The following MFSD8 variants were observed in gnomAD, a reference collection of about 807,000 sequenced individuals.
MFSD8 encodes major facilitator superfamily domain-containing protein 8.
MFSD8 carries 55 observed loss-of-function variants against 66.4 expected under a neutral mutation model. That is an observed-to-expected ratio of 0.83 (90% CI 0.67 to 1.04). MFSD8 has a LOEUF of 1.04. MFSD8 is among the 50% of genes least tolerant of loss of function. The probability of loss-of-function intolerance (pLI) is 0.00; values close to 1 mark genes in which losing one functional copy is unlikely to be tolerated. For synonymous variants in MFSD8, 202 were observed against 212.8 expected, an observed-to-expected ratio of 0.95 and a Z score of 0.44; for missense variants, 550 against 627.6, an observed-to-expected ratio of 0.88 and a Z score of 1.32.
At chr4:127,940,488 A>G (rs1739977142) in intron 5 of MFSD8, among the ~76,000 whole-genome samples, 1 of 148,058 alleles carries the variant, frequency 6.8e-6, no homozygotes, top group Admixed American at 6.9e-5. Flanking sequence ...ATTTTAGACC[A>G]GATATCTTAA....
chr4:127,939,881 T>C lies in MFSD8; in HGVS notation c.670A>G (p.Asn224Asp). The C allele has an allele frequency of 6.2e-7, 1 of 1,613,380 alleles. No individual in the cohort carries two copies. Among genetic ancestry groups the C allele is most frequent in the East Asian group, 2.2e-5 (1 of 44,768 alleles). The change falls in exon 6 of 12, where the codon AAT becomes GAT. Residue 224 changes from asparagine (N) to aspartate (D), a missense_variant. Coordinates refer to ENST00000641686, the MANE Select transcript of MFSD8 (RefSeq NM_001371596.2). ...AGTATGGCAAGGATCAGAATAATAT[T>C]TAAAATTCCCAGGAAGGCGCTAAGT... ...VLLSAFLGILNIILILAILRE... is the reference protein window; with the variant it reads ...VLLSAFLGILDIILILAILRE...
rs548044475 is a variant in MFSD8 at position 127,924,825 on chromosome 4, T to C, written c.999-2862A>G. ...AAGAACAAAGCTGAAGACATCACAA[T>C]ACCTGACTTCAAACTACACTACAAG... On this transcript the variant is annotated intron_variant, in intron 9 of 11. Transcript: ENST00000641686. Among the ~76,000 whole-genome samples the C allele has an allele frequency of 3.3e-4, 51 of 152,246 alleles. 2 individuals are homozygous for C. The South Asian group carries it at 0.01, about 31-fold the overall frequency.
chr4:127,928,632 T>C (rs530467486), intron 9 of MFSD8, among the ~76,000 whole-genome samples: 2 of 152,208 alleles, frequency 1.3e-5, no homozygotes, highest in Non-Finnish European at 2.9e-5. Context: ...AACCCTTGTA[T>C]ACTGTTGGTG....
At chr4:127,931,797 T>A (rs531890263) in intron 8 of MFSD8, among the ~76,000 whole-genome samples, 1 of 152,312 alleles carries the variant, frequency 6.6e-6, no homozygotes, top group East Asian at 1.9e-4. Context: ...GCTACTGAAC[T>A]GCATACCTTA....
intron 7 of MFSD8, among the ~76,000 whole-genome samples, chr4:127,937,310 A>G (rs1474294651): frequency 2.6e-5 from 4 of 152,164 alleles, no homozygotes; most frequent in Admixed American, 6.5e-5. Flanking sequence ...TTCTCTTTTC[A>G]TCTAACCTCC....
chr4:127,920,336 C>T lies in MFSD8; in HGVS notation c.*294G>A, dbSNP rs974376227. ...AGTGGGTATTAAGAATACAGCTTCA[C>T]ATTTATTCATCATTGTCCATTCACT... On this transcript the variant is annotated 3_prime_UTR_variant, in exon 12 of 12. Transcript: ENST00000641686. 1.0e-5 allele frequency: 4 copies of T among 400,822 alleles called. No individual in the cohort carries two copies. Among genetic ancestry groups the T allele is most frequent in the Middle Eastern group, 7.7e-4 (1 of 1,304 alleles). The allele number at this position is 400,822 out of a possible 1,614,324, so 24.8% of individuals were successfully genotyped here. A position where few individuals can be genotyped will look rare whatever the true frequency, so the allele number is the denominator to read the frequency against.
Position 127,965,158 on chromosome 4 carries a change from T to G in MFSD8, c.-25A>C. 1 of 1,613,596 alleles carries G rather than the reference T, an allele frequency of 6.2e-7. No homozygotes were observed. Among genetic ancestry groups the G allele is most frequent in the Non-Finnish European group, 8.5e-7 (1 of 1,179,916 alleles). ...TAGTTACACTCCCTACAAGGCGTCT[T>G]GCGCCCAACTCTCGCGACACCTGCT... is the stretch of plus-strand genomic sequence containing the variant. On this transcript the variant is annotated 5_prime_UTR_variant, in exon 1 of 12. Transcript: ENST00000641686.
At chr4:127,941,908 T>C in intron 5 of MFSD8, 137 bp downstream of exon 5, 1 of 697,278 alleles carries the variant, frequency 1.4e-6, no homozygotes, top group Non-Finnish European at 2.6e-6. Flanking sequence ...GTAGCCTCAT[T>C]CCTGGATTAA....
At chr4:127,941,000 A>G (rs1291112404) in intron 5 of MFSD8, among the ~76,000 whole-genome samples, 1 of 152,194 alleles carries the variant, frequency 6.6e-6, no homozygotes, top group African/African-American at 2.4e-5. Context: ...TTTTTAAATG[A>G]CATAATCTTT....
Position 127,921,653 on chromosome 4 carries a change from C to A in MFSD8, c.1221G>T (p.Trp407Cys). 6.2e-7 allele frequency: 1 copy of A among 1,614,110 alleles called. No homozygotes were observed. The change falls in exon 11 of 12, where the codon TGG (tryptophan) becomes TGT (cysteine). Residue 407 changes from tryptophan to cysteine, a missense_variant. Physicochemically the swap from Trp to Cys is radical, Grantham distance 215. Transcript: ENST00000641686. ...RPTGCSIEQAWCLYTPVIHLA... is the reference protein window; with the variant it reads ...RPTGCSIEQACCLYTPVIHLA... The stretch of plus-strand genomic sequence containing the variant: ...GATGAATCACCGGGGTGTAGAGGCA[C>A]CAGGCTTGTTCAATCGAGCAACCAG...
chr4:127,947,863 AACACACACAC>A (rs10648496), intron 3 of MFSD8, among the ~76,000 whole-genome samples: 24 of 141,098 alleles, frequency 1.7e-4, no homozygotes, highest in African/African-American at 1.3e-4. Context: ...TGCACGTGTG[AACACACACAC>A]ACACACACAC....
chr4:127,927,279 G>A lies in MFSD8; in HGVS notation c.998+3404C>T, dbSNP rs890768139. Among the ~76,000 whole-genome samples, 8 of 151,726 alleles carry A rather than the reference G, an allele frequency of 5.3e-5. 1 individual carries two copies. The highest frequency in any genetic ancestry group is 1.3e-4 in the Admixed American group (2 of 15,240). The stretch of plus-strand genomic sequence containing the variant: ...CAACCTCCACCTCCTGGGTTCAAGC[G>A]ATTCTTGTGCCTCCACCTGTGGAGC... On this transcript the variant is annotated intron_variant, in intron 9 of 11. Transcript: ENST00000641686.
chr4:127,938,485 A>C (rs569086598), intron 7 of MFSD8, among the ~76,000 whole-genome samples: 206 of 151,896 alleles, frequency 1.4e-3, no homozygotes, highest in Non-Finnish European at 2.5e-3. Context: ...CAGGAGGCTG[A>C]GGCAGGAGGA....
At chr4:127,953,636 C>T (rs941037882) in intron 2 of MFSD8, among the ~76,000 whole-genome samples, 13 of 144,622 alleles carry the variant, frequency 9.0e-5, no homozygotes, top group African/African-American at 3.4e-4. Context: ...TCAGTGCAAC[C>T]TCTGCCTCCT....
intron 1 of MFSD8, among the ~76,000 whole-genome samples, chr4:127,961,075 A>G (rs1392787446): frequency 6.6e-6 from 1 of 152,022 alleles, no homozygotes; most frequent in Non-Finnish European, 1.5e-5. Context: ...GTCAGTGGGG[A>G]GCACTGAGGA....
Position 127,957,577 on chromosome 4 carries a change from T to C in MFSD8, c.78A>G (p.Leu26=), listed in dbSNP as rs770986122. The C allele has an allele frequency of 6.8e-6, 11 of 1,610,236 alleles. No homozygotes were observed. In the African/African-American group the frequency reaches 1.2e-4, roughly 18 times the overall value. The change falls in exon 2 of 12, where the codon TTA becomes TTG. Residue 26 remains leucine, a synonymous_variant. Transcript: ENST00000641686. The stretch of plus-strand genomic sequence containing the variant: ...GGCTCTTATAATGCTCTTCAGTCTC[T>C]AAAATGTCCCATTCTCTAGGTGTAA... The part of the protein sequence containing the change: ...DTPGSREWDI[L]ETEEHYKSRW...
At chr4:127,958,969 G>C (rs1043819691) in intron 1 of MFSD8, among the ~76,000 whole-genome samples, 1 of 152,158 alleles carries the variant, frequency 6.6e-6, no homozygotes, top group African/African-American at 2.4e-5. Context: ...GTTAAGGAGA[G>C]GATAGTCAAA....
intron 2 of MFSD8, among the ~76,000 whole-genome samples, chr4:127,952,249 C>CA (rs1437645413): frequency 6.6e-6 from 1 of 151,238 alleles, no homozygotes; most frequent in Admixed American, 6.6e-5. Context: ...ACTAAAAATA[C>CA]AAAAAATTAT....
rs964182202 is a variant in MFSD8 at position 127,928,192 on chromosome 4, C to T, written c.998+2491G>A. On this transcript the variant is annotated intron_variant, in intron 9 of 11. Transcript: ENST00000641686. Reference sequence around the variant, plus strand: ...TTAGCCTCCTGAGTAGCTGGGACTACACGCACATGCCACCACACCCTCTAT... The same window carrying T: ...TTAGCCTCCTGAGTAGCTGGGACTATACGCACATGCCACCACACCCTCTAT... Among the ~76,000 whole-genome samples, 3 of 152,168 alleles carry T rather than the reference C, an allele frequency of 2.0e-5. No homozygotes were observed. In the South Asian group the frequency reaches 6.2e-4, roughly 32 times the overall value.
Sources: allele counts gnomAD v4.1 joint callset (sites outside exome capture counted in the v4.1 genomes callset), GRCh38; gene constraint gnomAD v4.1.1; transcripts MANE v1.5; gene names NCBI Gene and HGNC (gene_info 2026-07-23, HGNC 2026-07-21).